PTDSS2: variants seen among roughly 807,000 people sequenced by gnomAD.
The protein encoded by PTDSS2 is PSS-2.
PTDSS2 carries 41 observed loss-of-function variants against 64.7 expected under a neutral mutation model. That is an observed-to-expected ratio of 0.63 (90% CI 0.49 to 0.82). The LOEUF (loss-of-function observed/expected upper bound fraction) is 0.82. Among genes scored for constraint, PTDSS2 ranks in the 40% least tolerant of loss-of-function variants. PTDSS2 has a pLI of 0.00. For missense variants in PTDSS2, 485 were observed against 650.0 expected, an observed-to-expected ratio of 0.75 and a Z score of 2.76; for synonymous variants, 297 against 277.8, an observed-to-expected ratio of 1.07 and a Z score of -0.69.
intron 3 of PTDSS2, among the ~76,000 whole-genome samples, chr11:475,117 GA>G (rs1459987120): frequency 6.2e-4 from 91 of 145,736 alleles, no homozygotes; most frequent in African/African-American, 2.3e-3. Context: ...GCGTTTGTGT[GA>G]TACGGACATA....
At position 460,596 on chromosome 11, in the gene PTDSS2, G is replaced by A. The variant is rs1257533809; in HGVS notation, c.284+308G>A. ...CATGTTGAGGTTGGAACGAGCTGCAGCAGCTACAGGGCTGAGCCCTTGAGT... is the reference window on the plus strand; with the variant it reads ...CATGTTGAGGTTGGAACGAGCTGCAACAGCTACAGGGCTGAGCCCTTGAGT... On this transcript the variant is annotated intron_variant, in intron 2 of 11. Transcript: ENST00000308020. This position sits in a 1 kb window ranked among gnomAD's most constrained non-coding sequence, Gnocchi z 5.8. The A allele has an allele frequency of 3.0e-6, 1 of 331,452 alleles. No individual in the cohort carries two copies. The highest frequency in any genetic ancestry group is 5.8e-6 in the Non-Finnish European group (1 of 172,758). The allele number at this position is 331,452 out of a possible 1,614,324, so 20.5% of individuals were successfully genotyped here. A position where few individuals can be genotyped will look rare whatever the true frequency, so the allele number is the denominator to read the frequency against.
At chr11:486,200 TG>T (rs1848370935) in intron 4 of PTDSS2, among the ~76,000 whole-genome samples, 1 of 151,890 alleles carries the variant, frequency 6.6e-6, no homozygotes, top group African/African-American at 2.4e-5. Context: ...GGTCAAGAGG[TG>T]TATCTGGCTG....
Position 490,777 on chromosome 11 carries a change from T to A in PTDSS2, c.*195T>A. 1 of 613,700 alleles carries A rather than the reference T, an allele frequency of 1.6e-6. No individual in the cohort carries two copies. Among genetic ancestry groups the A allele is most frequent in the Non-Finnish European group, 2.8e-6 (1 of 352,176 alleles). The allele number at this position is 613,700 out of a possible 1,614,324, so 38.0% of individuals were successfully genotyped here. A position where few individuals can be genotyped will look rare whatever the true frequency, so the allele number is the denominator to read the frequency against. On this transcript the variant is annotated 3_prime_UTR_variant, in exon 12 of 12. Coordinates refer to ENST00000308020, the MANE Select transcript of PTDSS2 (RefSeq NM_030783.3). Reference sequence around the variant, plus strand: ...CCTCATCTCCATGTGTACACGTGTGTACGTGTGTATGCGTGTGTGTACGCG... The same window carrying A: ...CCTCATCTCCATGTGTACACGTGTGAACGTGTGTATGCGTGTGTGTACGCG...
chr11:457,851 G>A (rs1428928297), intron 1 of PTDSS2, among the ~76,000 whole-genome samples: 1 of 152,212 alleles, frequency 6.6e-6, no homozygotes, highest in African/African-American at 2.4e-5. Flanking sequence ...TCACTTTTCT[G>A]TGCCGTTTTG....
intron 1 of PTDSS2, among the ~76,000 whole-genome samples, chr11:454,537 A>G (rs1383361368): frequency 2.6e-5 from 4 of 152,152 alleles, no homozygotes; most frequent in African/African-American, 9.6e-5. Context: ...AAAGGAGTCA[A>G]GTTTTACGCC....
Position 473,980 on chromosome 11 carries a change from A to G in PTDSS2, c.367+3A>G. The stretch of plus-strand genomic sequence containing the variant: ...GCCATTTTCCAGACCTCATCCAGGT[A>G]ACTTGCCATTTCCTTTTCCGTGTGC... On this transcript the variant is annotated splice_donor_region_variant and intron_variant, in intron 3 of 11. Transcript: ENST00000308020. The G allele has an allele frequency of 6.2e-7, 1 of 1,612,542 alleles. No homozygotes were observed.
At chr11:489,249 G>A (rs555217054) in intron 8 of PTDSS2, 151 bp from the exon 9 acceptor site, 19 of 650,420 alleles carry the variant, frequency 2.9e-5, no homozygotes, top group South Asian at 3.8e-5. Context: ...TCTGTGGCCC[G>A]ATGGCACAGG....
intron 11 of PTDSS2, among the ~76,000 whole-genome samples, 160 bp from the exon 12 acceptor site, chr11:490,260 T>C (rs1409480841): frequency 6.6e-6 from 1 of 152,174 alleles, no homozygotes; most frequent in Non-Finnish European, 1.5e-5. Context: ...TCCAGGCTCC[T>C]CAGGGCTCCA....
chr11:457,185 C>T (rs910383840), intron 1 of PTDSS2, among the ~76,000 whole-genome samples: 1 of 152,216 alleles, frequency 6.6e-6, no homozygotes, highest in African/African-American at 2.4e-5. Context: ...GCAGCTCCAC[C>T]CTGGCTCTTC....
chr11:486,913 C>T lies in PTDSS2; in HGVS notation c.436-26C>T, dbSNP rs765363001. The stretch of plus-strand genomic sequence containing the variant: ...AAGTTGCCACCACTAACTGTAGCCC[C>T]GCTGACGGGGGCACTGGCCTTGCAG... On this transcript the variant is annotated intron_variant, in intron 4 of 11. Coordinates refer to ENST00000308020, the MANE Select transcript of PTDSS2 (RefSeq NM_030783.3). 1.8e-5 allele frequency: 28 copies of T among 1,589,606 alleles called. No individual in the cohort carries two copies. The East Asian group carries it at 2.3e-4, about 13-fold the overall frequency.
chr11:480,035 G>A (rs1847997960), intron 4 of PTDSS2: 1 of 152,478 alleles, frequency 6.6e-6, no homozygotes, highest in Admixed American at 6.5e-5. Context: ...GAATTCCACT[G>A]GCCCTAAAAC....
intron 2 of PTDSS2, among the ~76,000 whole-genome samples, chr11:471,988 CG>C (rs1444369754): frequency 8.2e-6 from 1 of 121,760 alleles, no homozygotes; most frequent in East Asian, 2.5e-4. Context: ...TGGGGTGACG[CG>C]GATGGCGGCC....
At position 473,820 on chromosome 11, in the gene PTDSS2, G is replaced by A. The variant is rs1001810106; in HGVS notation, c.285-75G>A. On this transcript the variant is annotated intron_variant, in intron 2 of 11. Transcript: ENST00000308020. The stretch of plus-strand genomic sequence containing the variant: ...GGCTGTTCCACAATGGGTGTCTGGG[G>A]GTCCCTGCAGCCTCCCACCTCCCTC... 1.7e-5 allele frequency: 19 copies of A among 1,118,586 alleles called. No individual in the cohort carries two copies. In the African/African-American group the frequency reaches 2.6e-4, roughly 15 times the overall value. 69.3% of individuals were successfully genotyped at this position (1,118,586 alleles called of 1,614,324 possible). A position where few individuals can be genotyped will look rare whatever the true frequency, so the allele number is the denominator to read the frequency against.
intron 4 of PTDSS2, among the ~76,000 whole-genome samples, chr11:486,073 T>A (rs1231951053): frequency 1.3e-5 from 2 of 151,324 alleles, no homozygotes; most frequent in Non-Finnish European, 2.9e-5. Context: ...GTTCACCGTG[T>A]GCGCAGGCGA....
intron 4 of PTDSS2, among the ~76,000 whole-genome samples, chr11:486,368 C>A (rs1400298339): frequency 6.6e-6 from 1 of 152,200 alleles, no homozygotes; most frequent in African/African-American, 2.4e-5. Flanking sequence ...CGGTCCTAGA[C>A]CCCCATGTCC....
intron 3 of PTDSS2, 34 bp downstream of exon 3, chr11:474,011 T>C (rs756219439): frequency 2.0e-6 from 3 of 1,535,600 alleles, no homozygotes; most frequent in East Asian, 4.5e-5. Context: ...TGTGCCCCTG[T>C]GGCATTTCTG....
intron 4 of PTDSS2, among the ~76,000 whole-genome samples, chr11:482,318 G>A (rs1226829830): frequency 6.6e-6 from 1 of 151,352 alleles, no homozygotes; most frequent in Non-Finnish European, 1.5e-5. Flanking sequence ...CGCCTCCCAG[G>A]TTCTAGCGAT....
rs573441464 is a variant in PTDSS2 at position 475,882 on chromosome 11, C to T, written c.367+1905C>T. ...AACTAGGCTGTGGTGAATTTTTTCA[C>T]GTATGCTCTGTGTAAATATCTGATT... On this transcript the variant is annotated intron_variant, in intron 3 of 11. Transcript: ENST00000308020. 5.3e-5 allele frequency among the ~76,000 whole-genome samples: 8 copies of T among 152,242 alleles called. No homozygotes were observed. In the South Asian group the frequency reaches 8.3e-4, roughly 16 times the overall value.
chr11:488,755 C>A, intron 8 of PTDSS2, 108 bp downstream of exon 8: 4 of 813,788 alleles, frequency 4.9e-6, no homozygotes, highest in Non-Finnish European at 6.4e-6. Context: ...CAGTGTGCGG[C>A]TCAGGAGGGG....
Sources: gnomAD v4.1 joint callset for allele counts (sites outside exome capture counted in the v4.1 genomes callset) on GRCh38, gnomAD v4.1.1 for gene constraint, Gnocchi (gnomAD v3.1) non-coding constraint, MANE v1.5 for transcripts, NCBI Gene and HGNC (gene_info 2026-07-23, HGNC 2026-07-21) for gene names.